The following NUP42 variants were observed in gnomAD, a reference collection of about 807,000 sequenced individuals.
The protein encoded by NUP42 is nucleoporin 42.
In NUP42, 47 loss-of-function variants were observed where a neutral mutation model predicts 35.9. That is an observed-to-expected ratio of 1.31 (90% confidence interval 1.04 to 1.67). The LOEUF is 1.67. Ranked by LOEUF, NUP42 falls within the 40% of genes most tolerant of loss-of-function variation. The pLI, the probability that NUP42 is intolerant of heterozygous loss-of-function variation, is 0.00. For synonymous variants in NUP42, 173 were observed against 173.3 expected, an observed-to-expected ratio of 1.00 and a Z score of 0.01; for missense variants, 514 against 492.2, an observed-to-expected ratio of 1.04 and a Z score of -0.42.
chr7:23,191,350 G>A (rs1379134561), intron 3 of NUP42, among the ~76,000 whole-genome samples: 1 of 152,200 alleles, frequency 6.6e-6, no homozygotes, highest in African/African-American at 2.4e-5. Flanking sequence ...GAGATAGGGA[G>A]ACAAGTTAGA....
In NUP42 at chr7:23,200,321, C is replaced by T; in HGVS notation, c.848C>T (p.Thr283Ile). Reference protein sequence around the residue: ...AAASTSSGISTSAPAFGFGKP... With the variant: ...AAASTSSGISISAPAFGFGKP... ...GCCTCTACCAGTTCAGGTATCTCTA[C>T]TTCTGCTCCAGCTTTTGGATTTGGG... is the stretch of plus-strand genomic sequence containing the variant. Residue 283 changes from threonine (T) to isoleucine (I), a missense_variant, in exon 7 of 7, where the codon ACT becomes ATT. Transcript: ENST00000258742. The T allele has an allele frequency of 6.2e-7, 1 of 1,606,536 alleles. No homozygotes were observed. The highest frequency in any genetic ancestry group is 8.5e-7 in the Non-Finnish European group (1 of 1,175,462).
intron 1 of NUP42, among the ~76,000 whole-genome samples, chr7:23,183,266 G>T (rs1264607650): frequency 6.6e-6 from 1 of 151,924 alleles, no homozygotes; most frequent in South Asian, 2.1e-4. Context: ...TTTTGAGACG[G>T]AGTCTTGCTC....
intron 3 of NUP42, chr7:23,188,013 A>G: frequency 2.2e-6 from 2 of 909,082 alleles, no homozygotes; most frequent in Admixed American, 3.3e-5. Flanking sequence ...TTTTATTTTT[A>G]TTTTTTTTTT....
chr7:23,195,950 A>AGAT (rs776365514), intron 4 of NUP42, 35 bp downstream of exon 4: 39 of 1,300,550 alleles, frequency 3.0e-5, no homozygotes, highest in Non-Finnish European at 4.2e-5. Context: ...CTGCAATAAC[A>AGAT]GATGAGCTCT....
rs1785990857 is a variant in NUP42 at position 23,195,785 on chromosome 7, C to T, written c.446-54C>T. Reference sequence around the variant, plus strand: ...TTCTTGTTTAGCACCTCTAGCTTTACTATCAAAATTATTGGCATTTATTTT... The same window carrying T: ...TTCTTGTTTAGCACCTCTAGCTTTATTATCAAAATTATTGGCATTTATTTT... On this transcript the variant is annotated intron_variant, in intron 3 of 6. Transcript: ENST00000258742. 7 of 1,149,078 alleles carry T rather than the reference C, an allele frequency of 6.1e-6. 1 individual carries two copies. The highest frequency in any genetic ancestry group is 4.5e-4 in the Middle Eastern group (2 of 4,452). The allele number at this position is 1,149,078 out of a possible 1,614,324, so 71.2% of individuals were successfully genotyped here.
chr7:23,195,870 G>C lies in NUP42; in HGVS notation c.477G>C (p.Arg159Ser). The C allele has an allele frequency of 6.2e-7, 1 of 1,606,472 alleles. No individual in the cohort carries two copies. The highest frequency in any genetic ancestry group is 8.5e-7 in the Non-Finnish European group (1 of 1,176,806). ...GFTDISPEELRLEYHNFLTSN... is the reference protein window; with the variant it reads ...GFTDISPEELSLEYHNFLTSN... Reference sequence around the variant, plus strand: ...CAGACATTTCACCAGAGGAATTGAGGCTTGAATACCATAACTTCTTAACCA... The same window carrying C: ...CAGACATTTCACCAGAGGAATTGAGCCTTGAATACCATAACTTCTTAACCA... The change falls in exon 4 of 7, where the codon AGG (arginine) becomes AGC (serine). Residue 159 changes from arginine (R) to serine (S), a missense_variant. Coordinates refer to ENST00000258742, the MANE Select transcript of NUP42 (RefSeq NM_007342.3).
chr7:23,188,488 A>G, intron 3 of NUP42: 5 of 985,424 alleles, frequency 5.1e-6, no homozygotes, highest in Non-Finnish European at 6.0e-6. Context: ...ATCCATTCCA[A>G]ATTGAACCTA....
At chr7:23,185,914 G>A (rs1208087968) in intron 2 of NUP42, among the ~76,000 whole-genome samples, 2 of 151,868 alleles carry the variant, frequency 1.3e-5, no homozygotes. Flanking sequence ...AATTTTTTGT[G>A]TTTTTAGTAG....
intron 4 of NUP42, 39 bp from the exon 5 acceptor site, chr7:23,196,641 A>C: frequency 7.5e-7 from 1 of 1,342,004 alleles, no homozygotes; most frequent in Non-Finnish European, 1.1e-6. Context: ...ACTTAAACAT[A>C]CAATATTGAA....
intron 4 of NUP42, 49 bp downstream of exon 4, chr7:23,195,964 T>C (rs1274658059): frequency 8.6e-7 from 1 of 1,160,482 alleles, no homozygotes; most frequent in Non-Finnish European, 1.3e-6. Context: ...GAGCTCTTAA[T>C]TACTGCTTTC....
intron 5 of NUP42, chr7:23,197,205 T>C: frequency 7.7e-7 from 1 of 1,301,768 alleles, no homozygotes; most frequent in Non-Finnish European, 1.0e-6. Flanking sequence ...CCCACCTGTC[T>C]CCAAAGATCT....
At chr7:23,197,817 C>G (rs1037626811) in intron 5 of NUP42, among the ~76,000 whole-genome samples, 5 of 151,422 alleles carry the variant, frequency 3.3e-5, no homozygotes, top group Non-Finnish European at 7.4e-5. Flanking sequence ...GAATATTACA[C>G]TGAGGGAGAG....
At chr7:23,185,962 A>G (rs754251406) in intron 2 of NUP42, among the ~76,000 whole-genome samples, 4 of 151,380 alleles carry the variant, frequency 2.6e-5, no homozygotes, top group Non-Finnish European at 5.9e-5. Flanking sequence ...CTGGTCTTGA[A>G]CTCTTGACCT....
chr7:23,197,659 T>C (rs1459709408), intron 5 of NUP42, among the ~76,000 whole-genome samples: 1 of 150,792 alleles, frequency 6.6e-6, no homozygotes. Context: ...CCCTGCTCCT[T>C]GCTAACTGCC....
chr7:23,197,054 T>G, intron 5 of NUP42: 1 of 460,538 alleles, frequency 2.2e-6, no homozygotes, highest in Non-Finnish European at 3.8e-6. Flanking sequence ...TAAGTTTAAG[T>G]ATTTAAGGTT....
intron 5 of NUP42, chr7:23,198,205 C>CTTTTTTTTTTTTTTTTTTT (rs1172738995): frequency 1.5e-4 from 11 of 73,676 alleles, no homozygotes; most frequent in African/African-American, 6.7e-4. Flanking sequence ...CAAAAGCATT[C>CTTTTTTTTTTTTTTTTTTT]TTTTTTTTTT....
chr7:23,183,010 T>G (rs1785469024), intron 1 of NUP42, among the ~76,000 whole-genome samples: 1 of 151,410 alleles, frequency 6.6e-6, no homozygotes, highest in South Asian at 2.1e-4. Context: ...TGGGGTGAAA[T>G]TGGGAATGTG....
chr7:23,188,332 C>T (rs1785675391), intron 3 of NUP42: 1 of 1,143,338 alleles, frequency 8.7e-7, no homozygotes, highest in Non-Finnish European at 1.1e-6. Context: ...GACAAGATCC[C>T]TTCCTTATGA....
At chr7:23,188,652 T>TA (rs1277075394) in intron 3 of NUP42, 8 of 540,720 alleles carry the variant, frequency 1.5e-5, no homozygotes, top group African/African-American at 2.1e-5. Flanking sequence ...ACATTTATAC[T>TA]AAAAAAAGTA....
Sources: allele counts gnomAD v4.1 joint callset (sites outside exome capture counted in the v4.1 genomes callset), GRCh38; gene constraint gnomAD v4.1.1; transcripts MANE v1.5; gene names NCBI Gene and HGNC (gene_info 2026-07-23, HGNC 2026-07-21).